MAP2: variants seen among roughly 807,000 people sequenced by gnomAD.
MAP2 encodes the protein microtubule-associated protein 2.
In MAP2, 14 loss-of-function variants were observed where a neutral mutation model predicts 137.6. The observed-to-expected ratio is 0.10, with a 90% CI of 0.07 to 0.16. The LOEUF is 0.16. MAP2 is among the 10% of genes least tolerant of loss of function. The pLI is 1.00. For synonymous variants in MAP2, 786 were observed against 782.3 expected, an observed-to-expected ratio of 1.00 and a Z score of -0.08; for missense variants, 2,088 against 2,191.5, an observed-to-expected ratio of 0.95 and a Z score of 0.94.
chr2:209,694,166 G>T lies in MAP2; in HGVS notation c.1996G>T (p.Val666Leu). The T allele has an allele frequency of 6.2e-7, 1 of 1,614,132 alleles. No homozygotes were observed. Among genetic ancestry groups the T allele is most frequent in the Admixed American group, 1.7e-5 (1 of 60,022 alleles). Residue 666 changes from valine to leucine, a missense_variant, in exon 8 of 16, where the codon GTG (valine) becomes TTG (leucine). Coordinates refer to ENST00000682079, the MANE Select transcript of MAP2 (RefSeq NM_001375505.1). ...AAGAATGTTCACTATTGATCCAAAA[G>T]TGTATGGAGAGAAAAGGGACCTCCA... is the stretch of plus-strand genomic sequence containing the variant. ...QERMFTIDPK[V>L]YGEKRDLHSK... is the part of the protein sequence containing the mutation.
At chr2:209,607,254 A>G (rs2085099267) in intron 3 of MAP2, among the ~76,000 whole-genome samples, 1 of 152,214 alleles carries the variant, frequency 6.6e-6, no homozygotes, top group African/African-American at 2.4e-5. Flanking sequence ...CAGTACTTAA[A>G]GAAACATAGA....
Position 209,429,115 on chromosome 2 carries a change from G to C in MAP2, c.-222+4839G>C, listed in dbSNP as rs553241698. On this transcript the variant is annotated intron_variant, in intron 1 of 15. Transcript: ENST00000682079. ...ACTACAGGCGCCCGCCACCGCTCCC[G>C]GCTAATTTTTTGTATTTTTAGTAGA... is the stretch of plus-strand genomic sequence containing the variant. Among the ~76,000 whole-genome samples, 4 of 151,820 alleles carry C rather than the reference G, an allele frequency of 2.6e-5. No individual in the cohort carries two copies. The South Asian group carries it at 6.2e-4, about 24-fold the overall frequency.
Position 209,694,007 on chromosome 2 carries a change from C to A in MAP2, c.1837C>A (p.His613Asn). 6.2e-7 allele frequency: 1 copy of A among 1,613,940 alleles called. No individual in the cohort carries two copies. The highest frequency in any genetic ancestry group is 2.2e-5 in the East Asian group (1 of 44,874). Residue 613 changes from histidine to asparagine, a missense_variant, in exon 8 of 16, where the codon CAT (histidine) becomes AAT (asparagine). Transcript: ENST00000682079. Reference sequence around the variant, plus strand: ...GTCTATTGATACCATGTCTCCCATGCATAAAAATGGTGACAAGGAGTTTCA... The same window carrying A: ...GTCTATTGATACCATGTCTCCCATGAATAAAAATGGTGACAAGGAGTTTCA... ...HESIDTMSPM[H>N]KNGDKEFQTG...
chr2:209,674,550 A>C (rs2050368108), intron 5 of MAP2, among the ~76,000 whole-genome samples: 1 of 151,804 alleles, frequency 6.6e-6, no homozygotes, highest in South Asian at 2.1e-4. Context: ...TTCCTGAATT[A>C]AAGTCTGTGA....
In MAP2 at chr2:209,710,100, G is replaced by A. The variant is rs1196174014; in HGVS notation, c.4919G>A (p.Ser1640Asn). 1.2e-6 allele frequency: 2 copies of A among 1,613,822 alleles called. No individual in the cohort carries two copies. The highest frequency in any genetic ancestry group is 1.1e-5 in the South Asian group (1 of 91,080). The stretch of plus-strand genomic sequence containing the variant: ...CCCAAGTCTGCCATCTTGGTGCCGA[G>A]TGAGAAGAAGGTCGCCATCATACGT... ...GTPKSAILVP[S>N]EKKVAIIRTP... The change falls in exon 13 of 16, where the codon AGT (serine) becomes AAT (asparagine). Residue 1640 changes from serine (S) to asparagine (N), a missense_variant. Around this residue, in one of 6 missense-constraint regions of MAP2, gnomAD observed 591 missense variants for 642.6 expected, o/e 0.92. Transcript: ENST00000682079.
intron 13 of MAP2, among the ~76,000 whole-genome samples, chr2:209,713,422 A>G (rs2066223562): frequency 2.0e-5 from 3 of 152,204 alleles, no homozygotes; most frequent in Admixed American, 2.0e-4. Context: ...CTAATGGAAT[A>G]GATAAGCTAG....
intron 2 of MAP2, among the ~76,000 whole-genome samples, chr2:209,567,564 T>C (rs2073703920): frequency 6.6e-6 from 1 of 151,920 alleles, no homozygotes; most frequent in South Asian, 2.1e-4. Flanking sequence ...GCATTCCATT[T>C]GAAATAAAAA....
Position 209,733,459 on chromosome 2 carries a change from T to TA in MAP2, c.*3062_*3063insA, listed in dbSNP as rs2076034614. On this transcript the variant is annotated 3_prime_UTR_variant, in exon 16 of 16. Transcript: ENST00000682079. Reference sequence around the variant, plus strand: ...GAATGTACTGATTGTAGTGACCTTCTCCACACACACACACACACACACACA... The same window carrying TA: ...GAATGTACTGATTGTAGTGACCTTCTACCACACACACACACACACACACACA... 3.2e-4 allele frequency: 10 copies of TA among 31,724 alleles called. No individual in the cohort carries two copies. Among genetic ancestry groups the TA allele is most frequent in the South Asian group, 4.0e-3 (2 of 494 alleles). 2.0% of individuals were successfully genotyped at this position (31,724 alleles called of 1,614,324 possible). A position where few individuals can be genotyped will look rare whatever the true frequency, so the allele number is the denominator to read the frequency against.
intron 3 of MAP2, among the ~76,000 whole-genome samples, chr2:209,601,871 G>C (rs2083113146): frequency 6.6e-6 from 1 of 152,102 alleles, no homozygotes; most frequent in Non-Finnish European, 1.5e-5. Context: ...CTCACCCTTT[G>C]TATCTACAAA....
intron 10 of MAP2, among the ~76,000 whole-genome samples, chr2:209,699,171 A>T (rs919319110): frequency 1.3e-5 from 2 of 152,188 alleles, no homozygotes; most frequent in Non-Finnish European, 2.9e-5. Flanking sequence ...GATAGTAGTA[A>T]GGCATCGTTT....
At chr2:209,647,555 C>G (rs2094495460) in intron 4 of MAP2, among the ~76,000 whole-genome samples, 1 of 152,134 alleles carries the variant, frequency 6.6e-6, no homozygotes, top group African/African-American at 2.4e-5. Context: ...TACTATGATA[C>G]AGCTTAAATC....
intron 1 of MAP2, among the ~76,000 whole-genome samples, chr2:209,433,630 A>T (rs1359202345): frequency 6.6e-6 from 1 of 152,150 alleles, no homozygotes; most frequent in Non-Finnish European, 1.5e-5. Flanking sequence ...CCCTCTAGAT[A>T]TATCTGTATC....
chr2:209,532,320 G>C (rs1162945898), intron 2 of MAP2, among the ~76,000 whole-genome samples: 20 of 151,430 alleles, frequency 1.3e-4, no homozygotes, highest in Admixed American at 1.3e-3. Context: ...ATATGTTCTA[G>C]GATCTATTTA....
intron 5 of MAP2, among the ~76,000 whole-genome samples, chr2:209,673,501 T>C (rs2049837377): frequency 1.3e-5 from 2 of 151,780 alleles, no homozygotes; most frequent in Admixed American, 6.6e-5. Flanking sequence ...AGAGAAAGAA[T>C]AGAAAAACAT....
chr2:209,487,409 T>C (rs1302153480), intron 1 of MAP2, among the ~76,000 whole-genome samples: 1 of 152,158 alleles, frequency 6.6e-6, no homozygotes, highest in African/African-American at 2.4e-5. Context: ...AAAATGATGG[T>C]TTGGTAGGCC....
intron 5 of MAP2, chr2:209,661,528 C>G: frequency 1.0e-6 from 1 of 985,502 alleles, no homozygotes; most frequent in Non-Finnish European, 1.2e-6. Flanking sequence ...GAAAATCACA[C>G]AGCCTCACTG....
chr2:209,461,241 G>T (rs555906432), intron 1 of MAP2, among the ~76,000 whole-genome samples: 1 of 152,088 alleles, frequency 6.6e-6, no homozygotes. Context: ...TGAACTACAT[G>T]ACTACTTACA....
chr2:209,465,011 A>C (rs1001783072), intron 1 of MAP2, among the ~76,000 whole-genome samples: 1 of 152,078 alleles, frequency 6.6e-6, no homozygotes, highest in African/African-American at 2.4e-5. Flanking sequence ...CTTTCTTCTC[A>C]ATGCTGCACG....
chr2:209,563,774 G>C (rs2072750995), intron 2 of MAP2, among the ~76,000 whole-genome samples: 1 of 152,162 alleles, frequency 6.6e-6, no homozygotes, highest in South Asian at 2.1e-4. Flanking sequence ...CTGAAGTAAT[G>C]TACTTTCATC....
Sources: allele counts gnomAD v4.1 joint callset (sites outside exome capture counted in the v4.1 genomes callset), GRCh38; gene constraint gnomAD v4.1.1; regional missense constraint gnomAD v4.1.1; transcripts MANE v1.5; gene names NCBI Gene and HGNC (gene_info 2026-07-23, HGNC 2026-07-21).